Variants in GFRA3 observed in about 807,000 individuals in gnomAD.
GFRA3 encodes the protein GDNF family receptor alpha-3.
In GFRA3, 24 loss-of-function variants were observed where a neutral mutation model predicts 40.0. That is an observed-to-expected ratio of 0.60 (90% CI 0.43 to 0.84). The LOEUF is 0.84. Ranked by LOEUF, GFRA3 falls within the 40% of genes least tolerant of loss-of-function variation. The pLI, the probability that GFRA3 is intolerant of heterozygous loss-of-function variation, is 0.00. For missense variants in GFRA3, 405 were observed against 530.6 expected (o/e 0.76, Z 2.33); for synonymous variants, 203 against 213.5 (o/e 0.95, Z 0.43).
At chr5:138,257,204 C>T (rs1423723467) in intron 4 of GFRA3, among the ~76,000 whole-genome samples, 2 of 152,018 alleles carry the variant, frequency 1.3e-5, no homozygotes, top group African/African-American at 2.4e-5. Context: ...AATTCAAACC[C>T]GTCTGACTTC....
At chr5:138,270,262 A>G (rs566659323) in intron 1 of GFRA3, among the ~76,000 whole-genome samples, 60 of 149,692 alleles carry the variant, frequency 4.0e-4, no homozygotes, top group African/African-American at 1.4e-3. Context: ...CTGTACAGCT[A>G]CTCGGAGGCT....
At chr5:138,259,822 T>C (rs578018485) in intron 2 of GFRA3, among the ~76,000 whole-genome samples, 173 bp from the exon 3 acceptor site, 1 of 152,246 alleles carries the variant, frequency 6.6e-6, no homozygotes, top group African/African-American at 2.4e-5. Context: ...CCGTAAGGTA[T>C]AGGCTGGGCT....
chr5:138,264,593 C>A (rs754929927), intron 1 of GFRA3, 45 bp from the exon 2 acceptor site: 2 of 1,333,292 alleles, frequency 1.5e-6, no homozygotes, highest in Non-Finnish European at 2.1e-6. Flanking sequence ...ATTAGAATAG[C>A]TGTCTGGGAA....
At chr5:138,266,212 C>T (rs879873510) in intron 1 of GFRA3, among the ~76,000 whole-genome samples, 12 of 152,094 alleles carry the variant, frequency 7.9e-5, no homozygotes, top group South Asian at 2.1e-4. Context: ...CTGGGTCATA[C>T]GGTAATTCTA....
intron 7 of GFRA3, 79 bp from the exon 8 acceptor site, chr5:138,253,136 T>C (rs1440642352): frequency 4.6e-6 from 4 of 877,384 alleles, no homozygotes; most frequent in Non-Finnish European, 7.6e-6. Context: ...TCAAGAGGTA[T>C]TCCCCTTCCC....
intron 4 of GFRA3, 38 bp downstream of exon 4, chr5:138,257,601 C>T: frequency 4.5e-6 from 7 of 1,550,004 alleles, no homozygotes; most frequent in Non-Finnish European, 6.1e-6. Flanking sequence ...GTGGCGTGTG[C>T]CTCATCCCTG....
chr5:138,273,952 C>A (rs144020764), intron 1 of GFRA3, among the ~76,000 whole-genome samples: 11 of 152,284 alleles, frequency 7.2e-5, no homozygotes, highest in African/African-American at 2.6e-4. Flanking sequence ...TTAAAGCCCA[C>A]GTGGAGCAAA....
chr5:138,257,954 G>C lies in GFRA3; in HGVS notation c.473-3C>G. ...AAACTTGAGGCAGAGGTCTGAGTCT[G>C]GGGGGAAAGGGCACGGAGTCAGTCG... On this transcript the variant is annotated splice_polypyrimidine_tract_variant and splice_region_variant and intron_variant, in intron 3 of 7. Coordinates refer to ENST00000274721, the MANE Select transcript of GFRA3 (RefSeq NM_001496.4). 1 of 1,612,028 alleles carries C rather than the reference G, an allele frequency of 6.2e-7. No individual in the cohort carries two copies. Among genetic ancestry groups the C allele is most frequent in the Non-Finnish European group, 8.5e-7 (1 of 1,178,566 alleles).
chr5:138,273,892 T>C (rs932523711), intron 1 of GFRA3, among the ~76,000 whole-genome samples: 14 of 152,230 alleles, frequency 9.2e-5, no homozygotes, highest in Non-Finnish European at 1.8e-4. Flanking sequence ...AACTTCTTTT[T>C]CTTCACCTGT....
chr5:138,269,659 T>C (rs778081309), intron 1 of GFRA3, among the ~76,000 whole-genome samples: 1 of 149,692 alleles, frequency 6.7e-6, no homozygotes, highest in African/African-American at 2.5e-5. Flanking sequence ...CTGGCCAACA[T>C]GGTGAAACCC....
chr5:138,266,872 G>C (rs1470109308), intron 1 of GFRA3: 1 of 152,064 alleles, frequency 6.6e-6, no homozygotes, highest in African/African-American at 2.4e-5. Flanking sequence ...AGTAGAGAAA[G>C]GGTTTCACCA....
At chr5:138,255,021 G>A (rs1437220225) in intron 4 of GFRA3, among the ~76,000 whole-genome samples, 3 of 132,560 alleles carry the variant, frequency 2.3e-5, no homozygotes, top group Non-Finnish European at 3.5e-5. Context: ...GAAGGAGAGA[G>A]AGAGGAAGGA....
intron 4 of GFRA3, 129 bp from the exon 5 acceptor site, chr5:138,254,289 A>T: frequency 1.6e-6 from 1 of 638,420 alleles, no homozygotes; most frequent in Non-Finnish European, 2.8e-6. Context: ...CCAGGTTCAA[A>T]CAATTCTCCT....
At chr5:138,265,368 C>T (rs1755769166) in intron 1 of GFRA3, among the ~76,000 whole-genome samples, 1 of 152,058 alleles carries the variant, frequency 6.6e-6, no homozygotes, top group Non-Finnish European at 1.5e-5. Flanking sequence ...AGGCGTGCGC[C>T]ATCACACGCC....
At position 138,274,501 on chromosome 5, in the gene GFRA3, G is replaced by C; in HGVS notation, c.-77C>G. 8.1e-7 allele frequency: 1 copy of C among 1,241,138 alleles called. No homozygotes were observed. The highest frequency in any genetic ancestry group is 3.6e-5 in the South Asian group (1 of 28,084). 76.9% of individuals were successfully genotyped at this position (1,241,138 alleles called of 1,614,324 possible). A position where few individuals can be genotyped will look rare whatever the true frequency, so the allele number is the denominator to read the frequency against. On this transcript the variant is annotated 5_prime_UTR_variant, in exon 1 of 8. Coordinates refer to ENST00000274721, the MANE Select transcript of GFRA3 (RefSeq NM_001496.4). ...TCTGAGAGCGGGGCTCCCTCGACCGGCACCTCCCGCCCCCGCCTCCCGCCC... is the reference window on the plus strand; with the variant it reads ...TCTGAGAGCGGGGCTCCCTCGACCGCCACCTCCCGCCCCCGCCTCCCGCCC...
At chr5:138,260,334 C>A (rs1478696872) in intron 2 of GFRA3, among the ~76,000 whole-genome samples, 2 of 152,126 alleles carry the variant, frequency 1.3e-5, no homozygotes, top group Non-Finnish European at 2.9e-5. Context: ...GTGAAGAAGA[C>A]AAGTAGAACA....
chr5:138,273,616 G>T (rs1299221301), intron 1 of GFRA3, among the ~76,000 whole-genome samples: 2 of 152,122 alleles, frequency 1.3e-5, no homozygotes, highest in South Asian at 2.1e-4. Flanking sequence ...TCTGTCTCAG[G>T]AGTCCCTCCA....
intron 4 of GFRA3, among the ~76,000 whole-genome samples, chr5:138,255,243 T>A (rs1755611021): frequency 6.6e-6 from 1 of 152,108 alleles, no homozygotes; most frequent in South Asian, 2.1e-4. Flanking sequence ...ATTTAGTTAT[T>A]CAGTAAATGT....
chr5:138,254,187 C>CT (rs367624929), intron 4 of GFRA3, 27 bp from the exon 5 acceptor site: 65,601 of 903,664 alleles, frequency 0.073, 9 homozygotes, highest in East Asian at 0.087. Context: ...TTCTGTCTTT[C>CT]TTTTTTTTTT....
Sources: gnomAD v4.1 joint callset for allele counts (sites outside exome capture counted in the v4.1 genomes callset) on GRCh38, gnomAD v4.1.1 for gene constraint, MANE v1.5 for transcripts, NCBI Gene and HGNC (gene_info 2026-07-23, HGNC 2026-07-21) for gene names.